TRPC4AP: variants seen among roughly 807,000 people sequenced by gnomAD.
The protein encoded by TRPC4AP is short transient receptor potential channel 4-associated protein.
In TRPC4AP, 45 loss-of-function variants were observed where a neutral mutation model predicts 99.0. The observed-to-expected ratio is 0.45, with a 90% CI of 0.36 to 0.58. TRPC4AP has a LOEUF of 0.58. TRPC4AP is among the 20% of genes least tolerant of loss of function. The probability of loss-of-function intolerance (pLI) is 0.00; values close to 1 mark genes in which losing one functional copy is unlikely to be tolerated. For synonymous variants in TRPC4AP, 408 were observed against 385.8 expected (o/e 1.06, Z -0.67); for missense variants, 879 against 985.3 (o/e 0.89, Z 1.44).
intron 8 of TRPC4AP, among the ~76,000 whole-genome samples, chr20:35,034,299 C>T (rs1189715688): frequency 6.6e-6 from 1 of 152,036 alleles, no homozygotes; most frequent in Non-Finnish European, 1.5e-5. Context: ...ATTCTCAGAG[C>T]AGGGTCAGTA....
chr20:35,076,988 T>G (rs1322972870), intron 2 of TRPC4AP, among the ~76,000 whole-genome samples: 3 of 152,194 alleles, frequency 2.0e-5, no homozygotes, highest in African/African-American at 7.2e-5. Flanking sequence ...CCTGCTTTGC[T>G]GCCACCTTGC....
intron 9 of TRPC4AP, among the ~76,000 whole-genome samples, chr20:35,018,608 A>G (rs2147290172): frequency 6.8e-6 from 1 of 148,146 alleles, no homozygotes; most frequent in South Asian, 2.1e-4. Context: ...AAAAAAGAAA[A>G]AAAAAAAAAA....
intron 1 of TRPC4AP, among the ~76,000 whole-genome samples, chr20:35,088,905 G>T (rs1285760727): frequency 6.6e-6 from 1 of 152,170 alleles, no homozygotes; most frequent in Non-Finnish European, 1.5e-5. Context: ...ACAGAAAGGA[G>T]AAGAATGGTT....
Position 35,008,657 on chromosome 20 carries a change from G to A in TRPC4AP, c.1595+7C>T. On this transcript the variant is annotated splice_region_variant and intron_variant, in intron 13 of 18. Transcript: ENST00000252015. ...CAGAATCGGCAGGTACTTTTCCCCAGACTCACCTGAAAGACGACTCTGCTG... is the reference window on the plus strand; with the variant it reads ...CAGAATCGGCAGGTACTTTTCCCCAAACTCACCTGAAAGACGACTCTGCTG... The A allele has an allele frequency of 6.2e-7, 1 of 1,612,746 alleles. No homozygotes were observed. Among genetic ancestry groups the A allele is most frequent in the Non-Finnish European group, 8.5e-7 (1 of 1,179,374 alleles).
chr20:35,029,411 A>C (rs984945062), intron 8 of TRPC4AP, among the ~76,000 whole-genome samples: 4 of 152,258 alleles, frequency 2.6e-5, no homozygotes, highest in Admixed American at 2.6e-4. Flanking sequence ...CCAATATAAC[A>C]ATCTGTCTTT....
At chr20:35,086,457 G>GTATATATA (rs1569157392) in intron 1 of TRPC4AP, among the ~76,000 whole-genome samples, 1 of 83,000 alleles carries the variant, frequency 1.2e-5, no homozygotes, top group African/African-American at 4.0e-5. Flanking sequence ...GTGTGTGTGT[G>GTATATATA]TGTGTGTGTG....
chr20:35,017,029 C>T (rs779840599), intron 9 of TRPC4AP, among the ~76,000 whole-genome samples: 3 of 152,146 alleles, frequency 2.0e-5, no homozygotes, highest in Non-Finnish European at 4.4e-5. Context: ...TCCCTTTAAA[C>T]CAGCAATTCC....
Position 35,036,960 on chromosome 20 carries a change from A to AAC in TRPC4AP, c.866-1654_866-1653dup, listed in dbSNP as rs34177220. 1.4e-3 allele frequency among the ~76,000 whole-genome samples: 210 copies of AAC among 149,638 alleles called. 1 individual carries two copies. The highest frequency in any genetic ancestry group is 3.5e-3 in the Middle Eastern group (1 of 286). ...CTCTGTCTCAACGCGTGCGCACACA[A>AAC]ACACACACACACACACACACCCCTC... On this transcript the variant is annotated intron_variant, in intron 7 of 18. Transcript: ENST00000252015.
At chr20:35,055,154 T>C (rs2083795690) in intron 4 of TRPC4AP, 123 bp from the exon 5 acceptor site, 4 of 821,500 alleles carry the variant, frequency 4.9e-6, no homozygotes, top group Non-Finnish European at 7.6e-6. Flanking sequence ...TTTCCTTTAA[T>C]ATACTTCTTC....
intron 8 of TRPC4AP, among the ~76,000 whole-genome samples, chr20:35,031,684 C>G (rs1332928874): frequency 6.6e-6 from 1 of 151,930 alleles, no homozygotes; most frequent in African/African-American, 2.4e-5. Context: ...GTTACTTTAT[C>G]TCCTTCTGGT....
chr20:35,073,165 A>G (rs533099070), intron 2 of TRPC4AP, among the ~76,000 whole-genome samples: 7 of 152,290 alleles, frequency 4.6e-5, no homozygotes, highest in Non-Finnish European at 7.4e-5. Context: ...TCAGTTTAAG[A>G]GGATTTTGGG....
At chr20:35,004,190 CAGA>C (rs1283489084) in intron 17 of TRPC4AP, among the ~76,000 whole-genome samples, 2 of 152,218 alleles carry the variant, frequency 1.3e-5, no homozygotes, top group Non-Finnish European at 1.5e-5. Context: ...CCCAGCAGGG[CAGA>C]AGGTGTGAGG....
chr20:35,053,705 C>T (rs952375099), intron 5 of TRPC4AP, among the ~76,000 whole-genome samples: 4 of 151,956 alleles, frequency 2.6e-5, no homozygotes, highest in Non-Finnish European at 4.4e-5. Context: ...GAGCTCAATA[C>T]GAAAAACAAG....
chr20:35,023,160 A>G (rs527744465), intron 8 of TRPC4AP, among the ~76,000 whole-genome samples: 1 of 152,326 alleles, frequency 6.6e-6, no homozygotes, highest in African/African-American at 2.4e-5. Context: ...ACAGTGTGAC[A>G]CGGTAGTTAA....
rs2082426204 is a variant in TRPC4AP at position 35,003,029 on chromosome 20, CA to C, written c.*116del. 6.9e-7 allele frequency: 1 copy of C among 1,453,830 alleles called. No homozygotes were observed. The highest frequency in any genetic ancestry group is 9.3e-7 in the Non-Finnish European group (1 of 1,071,690). The allele number at this position is 1,453,830 out of a possible 1,614,324, so 90.1% of individuals were successfully genotyped here. A position where few individuals can be genotyped will look rare whatever the true frequency, so the allele number is the denominator to read the frequency against. ...ACTTCCCTCCCACCAAGCCTGTACC[CA>C]AAGACCTGGGGCAGGCAGAGAGCAG... On this transcript the variant is annotated 3_prime_UTR_variant, in exon 19 of 19. Transcript: ENST00000252015.
intron 3 of TRPC4AP, among the ~76,000 whole-genome samples, chr20:35,058,491 G>C (rs577223604): frequency 2.0e-4 from 30 of 152,142 alleles, no homozygotes; most frequent in African/African-American, 7.2e-4. Context: ...ATTAAAATCA[G>C]AACGAAATTT....
intron 2 of TRPC4AP, 37 bp from the exon 3 acceptor site, chr20:35,069,449 G>A (rs772893433): frequency 3.0e-6 from 4 of 1,325,952 alleles, no homozygotes; most frequent in Non-Finnish European, 1.1e-6. Context: ...CATTGTTTTA[G>A]TAACCAACAC....
At chr20:35,053,571 T>G (rs190384129) in intron 5 of TRPC4AP, among the ~76,000 whole-genome samples, 65 of 152,324 alleles carry the variant, frequency 4.3e-4, no homozygotes, top group Admixed American at 1.3e-4. Context: ...CCTGTGCCTA[T>G]CTCTGTCATT....
chr20:35,009,734 T>C lies in TRPC4AP; in HGVS notation c.1511+453A>G, dbSNP rs752610658. On this transcript the variant is annotated intron_variant, in intron 12 of 18. Coordinates refer to ENST00000252015, the MANE Select transcript of TRPC4AP (RefSeq NM_015638.3). ...CACTGTATTCTGACGCCTGTGAGAC[T>C]AGCCCCCCACTGCCTGGCTCCAGGT... is the stretch of plus-strand genomic sequence containing the variant. 3.9e-5 allele frequency among the ~76,000 whole-genome samples: 6 copies of C among 152,378 alleles called. No homozygotes were observed. In the East Asian group the frequency reaches 1.2e-3, roughly 29 times the overall value.
Sources: allele counts gnomAD v4.1 joint callset (sites outside exome capture counted in the v4.1 genomes callset), GRCh38; gene constraint gnomAD v4.1.1; transcripts MANE v1.5; gene names NCBI Gene and HGNC (gene_info 2026-07-23, HGNC 2026-07-21).